CIT: variants seen among roughly 807,000 people sequenced by gnomAD.
CIT encodes citron Rho-interacting kinase.
CIT carries 79 observed loss-of-function variants against 272.7 expected under a neutral mutation model. The observed-to-expected ratio is 0.29, with a 90% CI of 0.24 to 0.35. The LOEUF (loss-of-function observed/expected upper bound fraction) is 0.35. Ranked by LOEUF, CIT falls within the 10% of genes least tolerant of loss-of-function variation. CIT has a pLI of 1.00. For missense variants in CIT, 1,909 were observed against 2,618.3 expected (o/e 0.73, Z 5.91); for synonymous variants, 948 against 995.6 (o/e 0.95, Z 0.90).
chr12:119,842,388 CAAAAAAAAAAAAAA>C (rs58634070), intron 5 of CIT, among the ~76,000 whole-genome samples: 3 of 71,536 alleles, frequency 4.2e-5, no homozygotes, highest in East Asian at 4.1e-4. Flanking sequence ...GACTGCATCT[CAAAAAAAAAAAAAA>C]AAAAAAAAAA....
At chr12:119,836,344 G>A (rs1969017072) in intron 5 of CIT, among the ~76,000 whole-genome samples, 2 of 147,342 alleles carry the variant, frequency 1.4e-5, no homozygotes, top group Non-Finnish European at 1.5e-5. Context: ...TTAGAAGGGG[G>A]CAGCACCTAA....
chr12:119,817,270 G>T (rs1376965683), intron 9 of CIT, among the ~76,000 whole-genome samples: 1 of 152,060 alleles, frequency 6.6e-6, no homozygotes, highest in East Asian at 1.9e-4. Context: ...CCAGCACTTT[G>T]GGAGGCTGAG....
intron 5 of CIT, among the ~76,000 whole-genome samples, chr12:119,840,565 A>T (rs1969342417): frequency 1.3e-5 from 2 of 152,250 alleles, no homozygotes; most frequent in Admixed American, 1.3e-4. Context: ...ATTGAATTGA[A>T]GTCAATAAGA....
In CIT at chr12:119,737,951, C is replaced by A. The variant is rs535686117; in HGVS notation, c.2959-2594G>T. ...CGTTACTGAGTTTACAGATATTAAA[C>A]TGACTTATGACATAGGCAGTAAATT... On this transcript the variant is annotated intron_variant, in intron 24 of 47. Transcript: ENST00000392521. 1.2e-3 allele frequency among the ~76,000 whole-genome samples: 184 copies of A among 152,260 alleles called. 2 individuals carry two copies. Among genetic ancestry groups the A allele is most frequent in the Non-Finnish European group, 2.0e-3 (135 of 68,018 alleles).
Position 119,710,733 on chromosome 12 carries a change from T to A in CIT, c.4855-113A>T. ...GTTAAGGCCAAGTTATTCCTGGAAA[T>A]GCTCAGAAACGCACATATGCTCTTA... On this transcript the variant is annotated intron_variant, in intron 37 of 47. Coordinates refer to ENST00000392521, the MANE Select transcript of CIT (RefSeq NM_001206999.2). This position sits in a 1 kb window ranked among gnomAD's most constrained non-coding sequence, Gnocchi z 5.6. 1 of 1,039,942 alleles carries A rather than the reference T, an allele frequency of 9.6e-7. No individual in the cohort carries two copies. The highest frequency in any genetic ancestry group is 1.5e-6 in the Non-Finnish European group (1 of 678,478). The allele number at this position is 1,039,942 out of a possible 1,614,324, so 64.4% of individuals were successfully genotyped here.
At chr12:119,733,529 CAAAA>C (rs113216303) in intron 26 of CIT, among the ~76,000 whole-genome samples, 1 of 103,890 alleles carries the variant, frequency 9.6e-6, no homozygotes, top group Admixed American at 1.1e-4. Flanking sequence ...GACTCTGTCA[CAAAA>C]AAAAAAAAAA....
intron 15 of CIT, among the ~76,000 whole-genome samples, chr12:119,776,044 C>T (rs576080315): frequency 1.3e-5 from 2 of 152,240 alleles, no homozygotes; most frequent in East Asian, 3.9e-4. Context: ...GCATGTAGGA[C>T]CAGCAACATA....
At chr12:119,733,599 T>C (rs1281034075) in intron 26 of CIT, among the ~76,000 whole-genome samples, 2 of 151,040 alleles carry the variant, frequency 1.3e-5, no homozygotes, top group East Asian at 1.9e-4. Context: ...CTGGGGACAA[T>C]GGAGACACAG....
At chr12:119,841,312 T>A (rs1969396309) in intron 5 of CIT, among the ~76,000 whole-genome samples, 1 of 151,928 alleles carries the variant, frequency 6.6e-6, no homozygotes, top group Non-Finnish European at 1.5e-5. Flanking sequence ...GTAGCTCGGA[T>A]TACAGGTACC....
In CIT at chr12:119,803,399, G is replaced by A; in HGVS notation, c.1112-10C>T. 6.5e-7 allele frequency: 1 copy of A among 1,529,254 alleles called. No homozygotes were observed. Among genetic ancestry groups the A allele is most frequent in the South Asian group, 1.2e-5 (1 of 80,020 alleles). The allele number at this position is 1,529,254 out of a possible 1,614,324, so 94.7% of individuals were successfully genotyped here. A position where few individuals can be genotyped will look rare whatever the true frequency, so the allele number is the denominator to read the frequency against. On this transcript the variant is annotated splice_polypyrimidine_tract_variant and intron_variant, in intron 9 of 47. Coordinates refer to ENST00000392521, the MANE Select transcript of CIT (RefSeq NM_001206999.2). The stretch of plus-strand genomic sequence containing the variant: ...ACGAAGGGGGGAGGAGCTGGTTAAA[G>A]AAAAACAAGAAAGGAGGCGGGGAGG...
chr12:119,833,400 C>T (rs1336476491), intron 6 of CIT, among the ~76,000 whole-genome samples: 1 of 152,106 alleles, frequency 6.6e-6, no homozygotes, highest in Non-Finnish European at 1.5e-5. Flanking sequence ...GGCATGGTGG[C>T]TCATGCCTGT....
At chr12:119,849,743 T>C (rs1038331421) in intron 5 of CIT, among the ~76,000 whole-genome samples, 16 of 151,236 alleles carry the variant, frequency 1.1e-4, no homozygotes, top group Non-Finnish European at 2.4e-4. Context: ...TGGAGTGCAG[T>C]GGCGCAATCT....
At chr12:119,736,208 G>A (rs1958744561) in intron 24 of CIT, among the ~76,000 whole-genome samples, 1 of 152,222 alleles carries the variant, frequency 6.6e-6, no homozygotes. Flanking sequence ...GTTGGACTGA[G>A]GCACACAGGC....
intron 28 of CIT, 87 bp from the exon 29 acceptor site, chr12:119,721,536 G>A (rs775662995): frequency 1.6e-6 from 2 of 1,249,968 alleles, no homozygotes; most frequent in Admixed American, 2.2e-5. Flanking sequence ...ACTAATTTCA[G>A]GCATGGCACC....
chr12:119,857,750 G>A (rs1950214884), intron 3 of CIT, 52 bp from the exon 4 acceptor site: 1 of 1,462,500 alleles, frequency 6.8e-7, no homozygotes, highest in East Asian at 2.3e-5. Context: ...GCAAATATAT[G>A]CATCTTTATG....
In CIT at chr12:119,776,690, A is replaced by G; in HGVS notation, c.1818T>C (p.Cys606=). 6.2e-7 allele frequency: 1 copy of G among 1,613,796 alleles called. No homozygotes were observed. Among genetic ancestry groups the G allele is most frequent in the Non-Finnish European group, 8.5e-7 (1 of 1,179,950 alleles). The change falls in exon 14 of 48, where the codon TGT becomes TGC. Residue 606 remains cysteine (C), a synonymous_variant. Transcript: ENST00000392521. ...AEEFKRKATE[C]QHKLLKAKDQ... is the part of the protein sequence containing the mutation. ...TGACTACCTTCAACAGTTTATGCTG[A>G]CATTCTGTCGCTTTCCGCTTGAATT... is the stretch of plus-strand genomic sequence containing the variant.
chr12:119,713,536 G>A lies in CIT; in HGVS notation c.4419C>T (p.Asn1473=). ...GCTCCTTGGTCTGGAGACCTGGGGA[G>A]TTCATTTTGTCACGGCAGAAGGCCT... ...FTEAFCRDKM[N]SPGLQTKEPS... Residue 1473 remains asparagine (N), a synonymous_variant, in exon 34 of 48, where the codon AAC becomes AAT. Coordinates refer to ENST00000392521, the MANE Select transcript of CIT (RefSeq NM_001206999.2). The surrounding 1 kb of genome is among the most constrained non-coding windows in gnomAD (Gnocchi z 5.2). 6.2e-7 allele frequency: 1 copy of A among 1,614,222 alleles called. No homozygotes were observed. Among genetic ancestry groups the A allele is most frequent in the Non-Finnish European group, 8.5e-7 (1 of 1,180,046 alleles).
chr12:119,742,680 C>A, intron 23 of CIT: 1 of 465,778 alleles, frequency 2.1e-6, no homozygotes, highest in Admixed American at 3.9e-5. Flanking sequence ...ATTCTTTAGA[C>A]CATACATGCA....
chr12:119,805,527 T>C (rs899074958), intron 9 of CIT, among the ~76,000 whole-genome samples: 18 of 152,214 alleles, frequency 1.2e-4, no homozygotes, highest in African/African-American at 4.3e-4. Flanking sequence ...CTGTACTGAA[T>C]GTTCATCTTT....
Sources: gnomAD v4.1 joint callset for allele counts (sites outside exome capture counted in the v4.1 genomes callset) on GRCh38, gnomAD v4.1.1 for gene constraint, Gnocchi (gnomAD v3.1) non-coding constraint, MANE v1.5 for transcripts, NCBI Gene and HGNC (gene_info 2026-07-23, HGNC 2026-07-21) for gene names.